Variants in ROR1 observed in about 807,000 individuals in gnomAD.
ROR1 encodes ROR family WNT receptor 1.
ROR1 carries 19 observed loss-of-function variants against 78.8 expected under a neutral mutation model. That is an observed-to-expected ratio of 0.24 (90% confidence interval 0.17 to 0.35). The LOEUF (loss-of-function observed/expected upper bound fraction) is 0.35, where lower values mean the gene tolerates loss of function less well. Ranked by LOEUF, ROR1 falls within the 10% of genes least tolerant of loss-of-function variation. The probability of loss-of-function intolerance (pLI) is 1.00; values close to 1 mark genes in which losing one functional copy is unlikely to be tolerated. For missense variants in ROR1, 917 were observed against 1,177.8 expected, an observed-to-expected ratio of 0.78 and a Z score of 3.24; for synonymous variants, 386 against 433.6, an observed-to-expected ratio of 0.89 and a Z score of 1.36.
chr1:64,050,701 C>G lies in ROR1; in HGVS notation c.467C>G (p.Ala156Gly), dbSNP rs748593216. ...LFVKFGPPPT[A>G]SPGYSDEYEE... The stretch of plus-strand genomic sequence containing the variant: ...ATTTCTTCAGGCCCCCCTCCCACTG[C>G]AAGTCCAGGATACTCGTAAGTACTT... The change falls in exon 4 of 9, where the codon GCA (alanine) becomes GGA (glycine). Residue 156 changes from alanine to glycine, a missense_variant. Transcript: ENST00000371079. 1 of 1,613,924 alleles carries G rather than the reference C, an allele frequency of 6.2e-7. No individual in the cohort carries two copies. The highest frequency in any genetic ancestry group is 1.1e-5 in the South Asian group (1 of 91,050).
intron 8 of ROR1, among the ~76,000 whole-genome samples, chr1:64,176,953 G>A (rs1207659821): frequency 6.6e-6 from 1 of 152,222 alleles, no homozygotes; most frequent in Admixed American, 6.5e-5. Flanking sequence ...AGTAGCAAGG[G>A]ATCATGTCAG....
chr1:63,944,133 C>T (rs994261925), intron 1 of ROR1, among the ~76,000 whole-genome samples: 8 of 152,304 alleles, frequency 5.3e-5, no homozygotes, highest in South Asian at 2.1e-4. Context: ...TGCTTCTAGT[C>T]TCTCATGCCT....
chr1:63,813,918 A>G (rs1317624053), intron 1 of ROR1, among the ~76,000 whole-genome samples: 1 of 152,248 alleles, frequency 6.6e-6, no homozygotes, highest in Non-Finnish European at 1.5e-5. Context: ...CTTTTCAGTG[A>G]AACTTTCACA....
At chr1:63,987,538 G>A (rs1370709484) in intron 1 of ROR1, among the ~76,000 whole-genome samples, 1 of 152,162 alleles carries the variant, frequency 6.6e-6, no homozygotes, top group Non-Finnish European at 1.5e-5. Flanking sequence ...ATTTAAACAT[G>A]TCATTCTAAT....
At chr1:64,007,377 AGTGTGT>A (rs59753220) in intron 1 of ROR1, among the ~76,000 whole-genome samples, 9 of 145,918 alleles carry the variant, frequency 6.2e-5, no homozygotes, top group African/African-American at 7.6e-5. Flanking sequence ...TAATGTTCTG[AGTGTGT>A]GTGTGTGTGT....
chr1:63,999,716 A>G (rs1461464078), intron 1 of ROR1, among the ~76,000 whole-genome samples: 1 of 152,206 alleles, frequency 6.6e-6, no homozygotes, highest in Non-Finnish European at 1.5e-5. Flanking sequence ...GGATAAATCA[A>G]TGAACAAACA....
chr1:64,090,982 G>C (rs1647192126), intron 4 of ROR1, among the ~76,000 whole-genome samples: 2 of 137,712 alleles, frequency 1.5e-5, no homozygotes, highest in South Asian at 4.6e-4. Context: ...TAATAGTTTG[G>C]TATCTTTATT....
Position 63,806,493 on chromosome 1 carries a change from A to G in ROR1, c.91+31985A>G, listed in dbSNP as rs926858186. The stretch of plus-strand genomic sequence containing the variant: ...CCACCACGCCCTGCTAATTGTTTGT[A>G]TTTTTAGTAGAGACGGAGTTTCACT... On this transcript the variant is annotated intron_variant, in intron 1 of 8. Transcript: ENST00000371079. Among the ~76,000 whole-genome samples the G allele has an allele frequency of 2.0e-5, 3 of 152,034 alleles. No individual in the cohort carries two copies. In the East Asian group the frequency reaches 5.8e-4, roughly 29 times the overall value.
chr1:64,054,595 A>G (rs1646859018), intron 4 of ROR1, among the ~76,000 whole-genome samples: 1 of 152,246 alleles, frequency 6.6e-6, no homozygotes, highest in East Asian at 1.9e-4. Flanking sequence ...ACAGAAATGG[A>G]ATCATATATG....
intron 1 of ROR1, among the ~76,000 whole-genome samples, chr1:63,853,347 G>A (rs1042002754): frequency 5.3e-5 from 8 of 152,290 alleles, no homozygotes; most frequent in Admixed American, 5.2e-4. Flanking sequence ...GAGAGGTTAA[G>A]TATTCTGCCC....
chr1:64,039,224 T>A (rs1382472353), intron 2 of ROR1, among the ~76,000 whole-genome samples: 2 of 152,202 alleles, frequency 1.3e-5, no homozygotes, highest in Non-Finnish European at 2.9e-5. Flanking sequence ...TGCCCTTTTG[T>A]GCTCCTTGAA....
chr1:64,177,676 A>G lies in ROR1; in HGVS notation c.1635A>G (p.Glu545=). 6.2e-7 allele frequency: 1 copy of G among 1,614,152 alleles called. No homozygotes were observed. The highest frequency in any genetic ancestry group is 8.5e-7 in the Non-Finnish European group (1 of 1,179,986). ...GCCTTCTAGGTGCCGTCACTCAGGA[A>G]CAACCTGTGTGCATGCTTTTTGAGT... is the stretch of plus-strand genomic sequence containing the variant. ...IVCLLGAVTQ[E]QPVCMLFEYI... The change falls in exon 9 of 9, where the codon GAA becomes GAG. Residue 545 remains glutamate, a synonymous_variant. Transcript: ENST00000371079.
At chr1:63,916,163 G>C (rs1268985124) in intron 1 of ROR1, among the ~76,000 whole-genome samples, 2 of 152,164 alleles carry the variant, frequency 1.3e-5, no homozygotes, top group Non-Finnish European at 2.9e-5. Flanking sequence ...GTCATTTAAG[G>C]AATAGGCAGC....
intron 2 of ROR1, among the ~76,000 whole-genome samples, chr1:64,031,499 A>C (rs555252483): frequency 1.3e-5 from 2 of 152,316 alleles, no homozygotes; most frequent in Admixed American, 1.3e-4. Flanking sequence ...TGTCTCCCCC[A>C]AAAGAATTTG....
intron 2 of ROR1, among the ~76,000 whole-genome samples, chr1:64,038,628 G>T (rs921150047): frequency 1.3e-5 from 2 of 152,066 alleles, no homozygotes; most frequent in Non-Finnish European, 2.9e-5. Flanking sequence ...CCTTTCTAGG[G>T]TTCTTTACCA....
At chr1:63,989,001 A>G (rs1646273189) in intron 1 of ROR1, among the ~76,000 whole-genome samples, 1 of 152,166 alleles carries the variant, frequency 6.6e-6, no homozygotes, top group Non-Finnish European at 1.5e-5. Context: ...CCCAAAAGCA[A>G]TTCCAGAAGT....
At chr1:63,832,786 A>G (rs1644995842) in intron 1 of ROR1, among the ~76,000 whole-genome samples, 1 of 152,230 alleles carries the variant, frequency 6.6e-6, no homozygotes, top group Non-Finnish European at 1.5e-5. Flanking sequence ...CACGAAAAGT[A>G]CTAGGTGGAC....
chr1:64,090,504 TTAAAGA>T (rs1455206601), intron 4 of ROR1, among the ~76,000 whole-genome samples: 4 of 152,270 alleles, frequency 2.6e-5, no homozygotes, highest in African/African-American at 9.6e-5. Context: ...ACAGCAACAA[TTAAAGA>T]TAAACAAATA....
chr1:64,043,974 T>G (rs1646764219), intron 2 of ROR1, among the ~76,000 whole-genome samples: 1 of 152,214 alleles, frequency 6.6e-6, no homozygotes, highest in African/African-American at 2.4e-5. Context: ...CCATTGTTAA[T>G]GGGAGAAGAT....
Sources: allele counts gnomAD v4.1 joint callset (sites outside exome capture counted in the v4.1 genomes callset), GRCh38; gene constraint gnomAD v4.1.1; transcripts MANE v1.5; gene names NCBI Gene and HGNC (gene_info 2026-07-23, HGNC 2026-07-21).